Variants in CEP72 observed in about 807,000 individuals in gnomAD.
The protein encoded by CEP72 is centrosomal protein 72.
A neutral mutation model predicts 65.7 loss-of-function variants in CEP72; 78 were observed. The observed-to-expected ratio is 1.19, with a 90% confidence interval of 0.99 to 1.43. The LOEUF is 1.43. Among genes scored for constraint, CEP72 ranks in the 40% most tolerant of loss-of-function variants. The pLI, the probability that CEP72 is intolerant of heterozygous loss-of-function variation, is 0.00. For synonymous variants in CEP72, 358 were observed against 351.7 expected, an observed-to-expected ratio of 1.02 and a Z score of -0.20; for missense variants, 914 against 832.9, an observed-to-expected ratio of 1.10 and a Z score of -1.20.
At chr5:641,231 C>T (rs1464632875) in intron 9 of CEP72, 4 of 985,388 alleles carry the variant, frequency 4.1e-6, no homozygotes, top group East Asian at 1.1e-4. Context: ...CTCCCAGGCT[C>T]CCTCCACGCT....
Position 623,452 on chromosome 5 carries a change from C to T in CEP72, c.404-1019C>T, listed in dbSNP as rs1736531932. Among the ~76,000 whole-genome samples the T allele has an allele frequency of 6.6e-6, 1 of 152,230 alleles. No individual in the cohort carries two copies. Among genetic ancestry groups the T allele is most frequent in the Non-Finnish European group, 1.5e-5 (1 of 68,050 alleles). ...GGATGGAGGCGGCGTCTGGAGAGAC[C>T]TTGCCAGCAGGAGAGGGTGGGCTTG... On this transcript the variant is annotated intron_variant, in intron 3 of 11. Coordinates refer to ENST00000264935, the MANE Select transcript of CEP72 (RefSeq NM_018140.4). This position sits in a 1 kb window ranked among gnomAD's most constrained non-coding sequence, Gnocchi z 5.3.
downstream of CEP72, among the ~76,000 whole-genome samples, chr5:668,451 C>A (rs1053208325): frequency 1.5e-5 from 2 of 132,408 alleles, no homozygotes; most frequent in Non-Finnish European, 3.5e-5. Context: ...GAAGTGCGGA[C>A]AAGCACACGG....
At chr5:672,647 C>T in the CEP72 span, among the ~76,000 whole-genome samples, 5 of 152,230 alleles carry the variant, frequency 3.3e-5, no homozygotes, top group African/African-American at 1.2e-4. Context: ...GGTCCTGAGG[C>T]ACCCATGGCA....
intron 1 of CEP72, among the ~76,000 whole-genome samples, chr5:613,473 T>G (rs1169027167): frequency 6.6e-6 from 1 of 151,868 alleles, no homozygotes; most frequent in African/African-American, 2.4e-5. Context: ...CAGGTTCAAG[T>G]GATTCACTCA....
the CEP72 span, chr5:676,168 T>C: frequency 6.6e-6 from 1 of 152,094 alleles, no homozygotes. Flanking sequence ...TTTCATGGCT[T>C]TTCTGGCATA....
Position 644,356 on chromosome 5 carries a change from C to T in CEP72, c.1597C>T (p.Leu533Phe). ...GGAAGAGAACAGTAGGTTAAAATCG[C>T]TTTTGTTGAGTATGAAAAAGGAAGT... ...SLEENSRLKS[L>F]LLSMKKEVKS... The change falls in exon 10 of 12, where the codon CTT becomes TTT. Residue 533 changes from leucine (L) to phenylalanine (F), a missense_variant. Leu to Phe is a conservative substitution (Grantham distance 22). Transcript: ENST00000264935. The T allele has an allele frequency of 6.2e-7, 1 of 1,613,884 alleles. No homozygotes were observed. Among genetic ancestry groups the T allele is most frequent in the Non-Finnish European group, 8.5e-7 (1 of 1,179,952 alleles).
chr5:652,038 G>A (rs942109571), intron 11 of CEP72, among the ~76,000 whole-genome samples: 1 of 152,164 alleles, frequency 6.6e-6, no homozygotes, highest in African/African-American at 2.4e-5. Context: ...GATGAGACTG[G>A]GCCAAGAGGA....
chr5:639,104 C>T lies in CEP72; in HGVS notation c.1222C>T (p.His408Tyr). The T allele has an allele frequency of 1.9e-6, 3 of 1,613,428 alleles. 1 individual carries two copies. In the South Asian group the frequency reaches 3.3e-5, roughly 18 times the overall value. The stretch of plus-strand genomic sequence containing the variant: ...TCCATCACAGCCGTCTCCCGGGTCA[C>T]ACTCGGCTCTACCCGGGAAGAAGAC... The part of the protein sequence containing the change: ...TDTREPSPGS[H>Y]SALPGKKTAL... Residue 408 changes from histidine to tyrosine, a missense_variant, in exon 8 of 12, where the codon CAC (histidine) becomes TAC (tyrosine). Coordinates refer to ENST00000264935, the MANE Select transcript of CEP72 (RefSeq NM_018140.4).
At chr5:662,656 G>C (rs1260877679) in intron 1 of CEP72, 1 of 152,654 alleles carries the variant, frequency 6.6e-6, no homozygotes, top group Non-Finnish European at 1.5e-5. Flanking sequence ...CCTGTGACCA[G>C]GAGACGCAGC....
chr5:637,472 C>T (rs773707510), intron 6 of CEP72, 45 bp from the exon 7 acceptor site: 4 of 1,556,662 alleles, frequency 2.6e-6, no homozygotes, highest in Middle Eastern at 1.7e-4. Context: ...ACACTGCACC[C>T]AGAGAATTTG....
At chr5:656,321 G>A (rs1352676123), downstream of CEP72, among the ~76,000 whole-genome samples, 1 of 152,198 alleles carries the variant, frequency 6.6e-6, no homozygotes, top group Non-Finnish European at 1.5e-5. Context: ...GAACTAGCCG[G>A]TCGAGTTGGG....
At chr5:671,218 G>C (rs1379814099), downstream of CEP72, among the ~76,000 whole-genome samples, 1 of 150,806 alleles carries the variant, frequency 6.6e-6, no homozygotes, top group East Asian at 2.0e-4. Context: ...TTAATTTTGC[G>C]TTGCTGCCGG....
rs981404310 is a variant in CEP72 at position 639,353 on chromosome 5, G to A, written c.1342+129G>A. The A allele has an allele frequency of 2.8e-6, 3 of 1,079,180 alleles. No homozygotes were observed. In the South Asian group the frequency reaches 5.0e-5, roughly 18 times the overall value. The allele number at this position is 1,079,180 out of a possible 1,614,324, so 66.9% of individuals were successfully genotyped here. A position where few individuals can be genotyped will look rare whatever the true frequency, so the allele number is the denominator to read the frequency against. ...CTATGTCCCCTCCCACGAGCGTGTG[G>A]TGGTCCCGCGCCTGGGCCCTCCCTG... On this transcript the variant is annotated intron_variant, in intron 8 of 11. Transcript: ENST00000264935.
downstream of CEP72, among the ~76,000 whole-genome samples, chr5:671,838 C>T (rs141534229): frequency 1.7e-3 from 255 of 152,350 alleles, 3 homozygotes; most frequent in African/African-American, 5.9e-3. Context: ...CAGGGTGGCA[C>T]CCACAGCAAT....
intron 2 of CEP72, chr5:664,985 C>T (rs1335856814): frequency 1.5e-6 from 2 of 1,299,296 alleles, no homozygotes; most frequent in South Asian, 1.4e-5. Flanking sequence ...CCCCCCAGCC[C>T]CCTCTGGGGC....
At chr5:664,443 T>G (rs1739810956) in intron 2 of CEP72, 1 of 152,472 alleles carries the variant, frequency 6.6e-6, no homozygotes, top group African/African-American at 2.4e-5. Flanking sequence ...CTGACGGCTT[T>G]CGTTTTACCT....
intron 7 of CEP72, among the ~76,000 whole-genome samples, 163 bp downstream of exon 7, chr5:637,981 G>A (rs986613147): frequency 1.3e-5 from 2 of 151,636 alleles, no homozygotes; most frequent in East Asian, 1.9e-4. Flanking sequence ...GGCACTGACC[G>A]TGTCCCTCCC....
chr5:618,189 G>A (rs1736117971), intron 1 of CEP72, among the ~76,000 whole-genome samples: 1 of 152,148 alleles, frequency 6.6e-6, no homozygotes, highest in Non-Finnish European at 1.5e-5. Context: ...GGGAGAGGCA[G>A]TAAAGGTGGG....
At chr5:671,002 C>T (rs1740200774), downstream of CEP72, among the ~76,000 whole-genome samples, 1 of 152,216 alleles carries the variant, frequency 6.6e-6, no homozygotes, top group Admixed American at 6.5e-5. Flanking sequence ...GCAGCTCAGG[C>T]CCCAGGGCGG....
Sources: gnomAD v4.1 joint callset for allele counts (sites outside exome capture counted in the v4.1 genomes callset) on GRCh38, gnomAD v4.1.1 for gene constraint, Gnocchi (gnomAD v3.1) non-coding constraint, MANE v1.5 for transcripts, NCBI Gene and HGNC (gene_info 2026-07-23, HGNC 2026-07-21) for gene names.